Variants in GMEB2 observed in about 807,000 individuals in gnomAD.
GMEB2 encodes the protein glucocorticoid modulatory element binding protein 2.
A neutral mutation model predicts 45.7 loss-of-function variants in GMEB2; 7 were observed. That is an observed-to-expected ratio of 0.15 (90% CI 0.09 to 0.29). The LOEUF is 0.29. Among genes scored for constraint, GMEB2 ranks in the 10% least tolerant of loss-of-function variants. The probability of loss-of-function intolerance (pLI) is 1.00; values close to 1 mark genes in which losing one functional copy is unlikely to be tolerated. For synonymous variants in GMEB2, 322 were observed against 323.6 expected (o/e 1.00, Z 0.05); for missense variants, 582 against 739.2 (o/e 0.79, Z 2.47).
intron 5 of GMEB2, 92 bp from the exon 6 acceptor site, chr20:63,595,859 G>T: frequency 1.7e-6 from 2 of 1,187,712 alleles, no homozygotes; most frequent in South Asian, 2.6e-5. Flanking sequence ...CCACCTGCGT[G>T]GGGCAGGCCT....
In GMEB2 at chr20:63,588,859, G is replaced by C. The variant is rs1272802528; in HGVS notation, c.*1230C>G. 3 of 398,506 alleles carry C rather than the reference G, an allele frequency of 7.5e-6. No individual in the cohort carries two copies. Among genetic ancestry groups the C allele is most frequent in the African/African-American group, 6.2e-5 (3 of 48,594 alleles). 24.7% of individuals were successfully genotyped at this position (398,506 alleles called of 1,614,324 possible). ...ATGCCTGCCCCAGGACCCTGGCCTG[G>C]AGGGGCCTCAGCCTGGTCTTCCTTG... On this transcript the variant is annotated 3_prime_UTR_variant, in exon 10 of 10. Transcript: ENST00000370077.
chr20:63,602,680 A>T (rs772343468), intron 4 of GMEB2, among the ~76,000 whole-genome samples: 4 of 152,094 alleles, frequency 2.6e-5, no homozygotes, highest in Non-Finnish European at 5.9e-5. Context: ...ATCCTTACCA[A>T]AGAGGCAGCC....
At chr20:63,595,396 A>G (rs1370944513) in intron 6 of GMEB2, among the ~76,000 whole-genome samples, 2 of 152,230 alleles carry the variant, frequency 1.3e-5, no homozygotes, top group Non-Finnish European at 2.9e-5. Context: ...AAAGTGCTTC[A>G]ATCTTCCTTG....
At chr20:63,595,496 C>G (rs1489187003) in intron 6 of GMEB2, 114 bp downstream of exon 6, 2 of 883,208 alleles carry the variant, frequency 2.3e-6, no homozygotes, top group Non-Finnish European at 3.4e-6. Context: ...AGGAGACCGG[C>G]AGTCCTGGCG....
Position 63,589,988 on chromosome 20 carries a change from C to T in GMEB2, c.*101G>A. On this transcript the variant is annotated 3_prime_UTR_variant, in exon 10 of 10. Coordinates refer to ENST00000370077, the MANE Select transcript of GMEB2 (RefSeq NM_012384.5). ...TCTTTGGTTCTGCAGACCACGTGAC[C>T]CACCTGCCCGAGCCAGCCCTGCGGC... 1 of 1,014,716 alleles carries T rather than the reference C, an allele frequency of 9.9e-7. No homozygotes were observed. Among genetic ancestry groups the T allele is most frequent in the Non-Finnish European group, 1.4e-6 (1 of 731,510 alleles). The allele number at this position is 1,014,716 out of a possible 1,614,324, so 62.9% of individuals were successfully genotyped here.
At position 63,590,721 on chromosome 20, in the gene GMEB2, G is replaced by A. The variant is rs2083139703; in HGVS notation, c.961C>T (p.Gln321Ter). 6.6e-7 allele frequency: 1 copy of A among 1,504,872 alleles called. No individual in the cohort carries two copies. The highest frequency in any genetic ancestry group is 1.3e-5 in the South Asian group (1 of 74,832). The allele number at this position is 1,504,872 out of a possible 1,614,324, so 93.2% of individuals were successfully genotyped here. Residue 321 changes from glutamine to a stop codon, truncating the protein, a stop_gained, in exon 10 of 10, where the codon CAG becomes TAG. Coordinates refer to ENST00000370077, the MANE Select transcript of GMEB2 (RefSeq NM_012384.5). LOFTEE classifies it high-confidence loss of function. Reference sequence around the variant, plus strand: ...CGGCGACGATGCTCATCACACTGCTGCTCCAGGGCTGCAGGGAGGTACAGA... The same window carrying A: ...CGGCGACGATGCTCATCACACTGCTACTCCAGGGCTGCAGGGAGGTACAGA... ...QYARDLAALE[Q>*]QCDEHRRRAK...
Position 63,589,278 on chromosome 20 carries a change from CA to C in GMEB2, c.*810del. ...CCGGTCAAGTGCACTCACAGGGGCT[CA>C]GGGGCCACCCAAAGAGCTAACTCGG... On this transcript the variant is annotated 3_prime_UTR_variant, in exon 10 of 10. Coordinates refer to ENST00000370077, the MANE Select transcript of GMEB2 (RefSeq NM_012384.5). 5.0e-6 allele frequency: 2 copies of C among 398,614 alleles called. No homozygotes were observed. Among genetic ancestry groups the C allele is most frequent in the Non-Finnish European group, 8.8e-6 (2 of 226,108 alleles). The allele number at this position is 398,614 out of a possible 1,614,324, so 24.7% of individuals were successfully genotyped here.
At chr20:63,613,772 A>G (rs995589309) in intron 2 of GMEB2, among the ~76,000 whole-genome samples, 4 of 152,146 alleles carry the variant, frequency 2.6e-5, no homozygotes, top group African/African-American at 9.7e-5. Flanking sequence ...CTGGCCTCCC[A>G]AAGTGCTGGG....
At chr20:63,625,143 C>T (rs1479290775) in intron 1 of GMEB2, among the ~76,000 whole-genome samples, 1 of 152,152 alleles carries the variant, frequency 6.6e-6, no homozygotes, top group Non-Finnish European at 1.5e-5. Context: ...CTATTGCCTT[C>T]CCAAGGGCGA....
At chr20:63,594,355 G>T (rs945325666) in intron 6 of GMEB2, among the ~76,000 whole-genome samples, 5 of 152,254 alleles carry the variant, frequency 3.3e-5, no homozygotes, top group African/African-American at 7.2e-5. Flanking sequence ...CAACACTAAC[G>T]CGGTGGAGCC....
At chr20:63,599,484 T>C (rs2083226055) in intron 4 of GMEB2, among the ~76,000 whole-genome samples, 1 of 152,236 alleles carries the variant, frequency 6.6e-6, no homozygotes, top group Non-Finnish European at 1.5e-5. Flanking sequence ...TGGAAACGTC[T>C]TTCTTCCAGC....
intron 2 of GMEB2, among the ~76,000 whole-genome samples, chr20:63,614,456 C>G (rs775091024): frequency 6.6e-6 from 1 of 151,696 alleles, no homozygotes; most frequent in Admixed American, 6.6e-5. Context: ...CCAAGTGGAC[C>G]GTGGTCTAGC....
chr20:63,617,206 G>A (rs1480650758), intron 2 of GMEB2, among the ~76,000 whole-genome samples: 7 of 152,060 alleles, frequency 4.6e-5, no homozygotes, highest in African/African-American at 7.2e-5. Context: ...CCTGAACTGG[G>A]CTCAAGTGAT....
At position 63,592,221 on chromosome 20, in the gene GMEB2, G is replaced by A. The variant is rs530756163; in HGVS notation, c.830-77C>T. ...CCACGCGGACGCTCGGTGAGAGCCC[G>A]GGACCTTCCTAGAGAGTCACGTGGA... On this transcript the variant is annotated intron_variant, in intron 8 of 9. Transcript: ENST00000370077. The surrounding 1 kb of genome is among the most constrained non-coding windows in gnomAD (Gnocchi z 8.2). 5.8e-5 allele frequency: 82 copies of A among 1,421,476 alleles called. No individual in the cohort carries two copies. Among genetic ancestry groups the A allele is most frequent in the Non-Finnish European group, 5.8e-5 (60 of 1,034,972 alleles). The allele number at this position is 1,421,476 out of a possible 1,614,324, so 88.1% of individuals were successfully genotyped here. A position where few individuals can be genotyped will look rare whatever the true frequency, so the allele number is the denominator to read the frequency against.
intron 6 of GMEB2, among the ~76,000 whole-genome samples, chr20:63,594,398 G>A (rs569374676): frequency 2.6e-4 from 39 of 152,224 alleles, no homozygotes; most frequent in Non-Finnish European, 5.1e-4. Context: ...CAGACAGGAG[G>A]CTGGGCTCTA....
chr20:63,625,748 C>G (rs908337982), intron 1 of GMEB2, among the ~76,000 whole-genome samples: 2 of 152,070 alleles, frequency 1.3e-5, no homozygotes, highest in Non-Finnish European at 2.9e-5. Flanking sequence ...CAAGTGCACA[C>G]CACCACGCCC....
rs2083114827 is a variant in GMEB2, at chr20:63,588,565, GT to G, written c.*1523del. 2.5e-6 allele frequency: 1 copy of G among 397,598 alleles called. No individual in the cohort carries two copies. Among genetic ancestry groups the G allele is most frequent in the Admixed American group, 4.4e-5 (1 of 22,738 alleles). 24.6% of individuals were successfully genotyped at this position (397,598 alleles called of 1,614,324 possible). A position where few individuals can be genotyped will look rare whatever the true frequency, so the allele number is the denominator to read the frequency against. ...AGAAAACAAACAAGACACAGCCTCA[GT>G]AGCTTGACATGGGTGAGGGCAGCCA... On this transcript the variant is annotated 3_prime_UTR_variant, in exon 10 of 10. Coordinates refer to ENST00000370077, the MANE Select transcript of GMEB2 (RefSeq NM_012384.5).
At position 63,604,844 on chromosome 20, in the gene GMEB2, G is replaced by T. The variant is rs1217741086; in HGVS notation, c.132-4C>A. 2 of 1,553,152 alleles carry T rather than the reference G, an allele frequency of 1.3e-6. No homozygotes were observed. Among genetic ancestry groups the T allele is most frequent in the Non-Finnish European group, 1.8e-6 (2 of 1,124,244 alleles). ...GTTATCTTCCGTCAGGTCGCCCCTGGTGAAGTGAAGGGAGGAGAGAATAGA... is the reference window on the plus strand; with the variant it reads ...GTTATCTTCCGTCAGGTCGCCCCTGTTGAAGTGAAGGGAGGAGAGAATAGA... On this transcript the variant is annotated splice_region_variant and splice_polypyrimidine_tract_variant and intron_variant, in intron 2 of 9. Transcript: ENST00000370077.
At chr20:63,616,915 G>A (rs1006071526) in intron 2 of GMEB2, among the ~76,000 whole-genome samples, 26 of 151,944 alleles carry the variant, frequency 1.7e-4, no homozygotes, top group African/African-American at 6.0e-4. Flanking sequence ...GGGTCTTCAG[G>A]AGATAATTTA....
Sources: allele counts gnomAD v4.1 joint callset (sites outside exome capture counted in the v4.1 genomes callset), GRCh38; gene constraint gnomAD v4.1.1; non-coding constraint Gnocchi (gnomAD v3.1); transcripts MANE v1.5; gene names NCBI Gene and HGNC (gene_info 2026-07-23, HGNC 2026-07-21).